SEMA3A: variants seen among roughly 807,000 people sequenced by gnomAD.
SEMA3A encodes the protein semaphorin 3A.
SEMA3A carries 29 observed loss-of-function variants against 97.9 expected under a neutral mutation model. The ratio of observed to expected loss-of-function variants is 0.30; its 90% confidence interval spans 0.22 to 0.40. The LOEUF is 0.40. Among genes scored for constraint, SEMA3A ranks in the 10% least tolerant of loss-of-function variants. The probability of loss-of-function intolerance (pLI) is 1.00; values close to 1 mark genes in which losing one functional copy is unlikely to be tolerated. For missense variants in SEMA3A, 763 were observed against 951.3 expected (o/e 0.80, Z 2.60); for synonymous variants, 321 against 323.7 (o/e 0.99, Z 0.09).
chr7:84,425,086 A>C lies in SEMA3A; in HGVS notation c.-245-53186T>G, dbSNP rs1428193910. On this transcript the variant is annotated intron_variant, in intron 1 of 3. Transcript: ENST00000424555. ...TAATTTATAAATATAATTTATATTT[A>C]TATTTTTATATAAATATAAATATAT... 9.3e-5 allele frequency among the ~76,000 whole-genome samples: 10 copies of C among 107,460 alleles called. No homozygotes were observed. The East Asian group carries it at 2.9e-3, about 31-fold the overall frequency. The allele number at this position is 107,460 out of a possible 152,430, so 70.5% of individuals were successfully genotyped here.
intron 9 of SEMA3A, among the ~76,000 whole-genome samples, chr7:84,009,995 CTT>C (rs1790816208): frequency 6.7e-6 from 1 of 149,076 alleles, no homozygotes; most frequent in Non-Finnish European, 1.5e-5. Flanking sequence ...ATGGTGAAGA[CTT>C]TTGTTTTTAT....
At chr7:84,022,446 C>T (rs533328508) in intron 6 of SEMA3A, among the ~76,000 whole-genome samples, 12 of 152,244 alleles carry the variant, frequency 7.9e-5, no homozygotes, top group African/African-American at 2.9e-4. Context: ...TTTCAGCCTG[C>T]AGATAGAAAT....
At chr7:84,009,821 G>A (rs1339292046) in intron 9 of SEMA3A, among the ~76,000 whole-genome samples, 1 of 149,676 alleles carries the variant, frequency 6.7e-6, no homozygotes, top group Non-Finnish European at 1.5e-5. Flanking sequence ...AAGGAAGAAG[G>A]GAAGGAGCCC....
chr7:84,106,264 G>A (rs763952584), intron 4 of SEMA3A, among the ~76,000 whole-genome samples: 1 of 152,142 alleles, frequency 6.6e-6, no homozygotes, highest in Non-Finnish European at 1.5e-5. Flanking sequence ...TGACCTCATA[G>A]CCATTGGAAA....
chr7:84,419,440 A>C (rs958814903), intron 1 of SEMA3A, among the ~76,000 whole-genome samples: 3 of 152,088 alleles, frequency 2.0e-5, no homozygotes, highest in African/African-American at 7.2e-5. Flanking sequence ...CAGAGCTTTC[A>C]GCAAAATTAG....
At chr7:84,086,385 A>G (rs1056539484) in intron 4 of SEMA3A, among the ~76,000 whole-genome samples, 5 of 149,782 alleles carry the variant, frequency 3.3e-5, no homozygotes, top group East Asian at 1.9e-4. Context: ...CTATGCGATG[A>G]TAACATATAC....
chr7:84,138,995 T>G (rs1409658005), intron 1 of SEMA3A, among the ~76,000 whole-genome samples: 1 of 152,114 alleles, frequency 6.6e-6, no homozygotes, highest in African/African-American at 2.4e-5. Context: ...GACTTTGATT[T>G]TCCTAGATGT....
At chr7:84,470,635 C>T (rs1409141761) in intron 1 of SEMA3A, among the ~76,000 whole-genome samples, 1 of 151,956 alleles carries the variant, frequency 6.6e-6, no homozygotes, top group Non-Finnish European at 1.5e-5. Flanking sequence ...CAGATCATGG[C>T]TAATACTTAC....
intron 14 of SEMA3A, among the ~76,000 whole-genome samples, chr7:83,980,603 CAA>C (rs749889921): frequency 3.4e-3 from 185 of 53,954 alleles, no homozygotes; most frequent in Admixed American, 0.018. Flanking sequence ...GACTCCATCT[CAA>C]AAAAAAAAAA....
At chr7:84,404,240 A>G (rs554943) in intron 1 of SEMA3A, among the ~76,000 whole-genome samples, 48,538 of 152,102 alleles carry the variant, frequency 0.32, 9,313 homozygotes, top group African/African-American at 0.54. Context: ...AGAACTACGT[A>G]ATGAATGCAC....
At chr7:84,154,081 G>A (rs1013234270) in intron 1 of SEMA3A, among the ~76,000 whole-genome samples, 1 of 151,980 alleles carries the variant, frequency 6.6e-6, no homozygotes, top group Non-Finnish European at 1.5e-5. Context: ...TAGCTGTCAA[G>A]ACATTTTCTT....
chr7:84,356,889 A>C (rs997205675), intron 2 of SEMA3A, among the ~76,000 whole-genome samples: 3 of 151,828 alleles, frequency 2.0e-5, no homozygotes, highest in Non-Finnish European at 4.4e-5. Context: ...AAGCCTGTAC[A>C]ATGATATTTA....
At chr7:84,267,106 A>G (rs2115686076) in intron 3 of SEMA3A, among the ~76,000 whole-genome samples, 1 of 152,296 alleles carries the variant, frequency 6.6e-6, no homozygotes, top group Middle Eastern at 3.4e-3. Flanking sequence ...AAAATTCTCC[A>G]AAATTCAAAA....
chr7:84,033,953 GA>G (rs1791851893), intron 6 of SEMA3A, among the ~76,000 whole-genome samples: 1 of 151,536 alleles, frequency 6.6e-6, no homozygotes, highest in African/African-American at 2.4e-5. Flanking sequence ...TGGCATGATA[GA>G]ATCCTTCAAC....
chr7:84,215,934 C>T (rs1020917457), intron 3 of SEMA3A, among the ~76,000 whole-genome samples: 2 of 152,166 alleles, frequency 1.3e-5, no homozygotes, highest in Non-Finnish European at 2.9e-5. Flanking sequence ...GATACACACA[C>T]ACACACACAT....
chr7:84,068,697 G>T (rs554684898), intron 4 of SEMA3A, among the ~76,000 whole-genome samples: 2 of 152,184 alleles, frequency 1.3e-5, no homozygotes, highest in African/African-American at 4.8e-5. Flanking sequence ...GATACTTTAT[G>T]TCTGGGATCA....
chr7:84,140,155 A>G (rs1796255527), intron 1 of SEMA3A, among the ~76,000 whole-genome samples: 1 of 152,128 alleles, frequency 6.6e-6, no homozygotes, highest in Non-Finnish European at 1.5e-5. Flanking sequence ...GATTGGGAAC[A>G]CTTACACAAA....
At chr7:84,283,219 T>C (rs1442194945) in intron 3 of SEMA3A, among the ~76,000 whole-genome samples, 2 of 152,058 alleles carry the variant, frequency 1.3e-5, no homozygotes, top group African/African-American at 4.8e-5. Flanking sequence ...ACACCCAACA[T>C]CATACCATTC....
chr7:84,052,298 C>G (rs903052936), intron 5 of SEMA3A, among the ~76,000 whole-genome samples: 7 of 152,192 alleles, frequency 4.6e-5, no homozygotes, highest in African/African-American at 1.7e-4. Context: ...ACCAGTTCCT[C>G]CTTGTACCTC....
Sources: allele counts gnomAD v4.1 joint callset (sites outside exome capture counted in the v4.1 genomes callset), GRCh38; gene constraint gnomAD v4.1.1; transcripts MANE v1.5; gene names NCBI Gene and HGNC (gene_info 2026-07-23, HGNC 2026-07-21).